The following SGCG variants were observed in gnomAD, a reference collection of about 807,000 sequenced individuals.
The protein encoded by SGCG is gamma-sarcoglycan.
In SGCG, 26 loss-of-function variants were observed where a neutral mutation model predicts 29.3. The observed-to-expected ratio is 0.89, with a 90% CI of 0.65 to 1.23. The LOEUF (loss-of-function observed/expected upper bound fraction) is 1.23, where lower values mean the gene tolerates loss of function less well. Among genes scored for constraint, SGCG ranks in the 50% most tolerant of loss-of-function variants. SGCG has a pLI of 0.00. For synonymous variants in SGCG, 145 were observed against 129.7 expected, an observed-to-expected ratio of 1.12 and a Z score of -0.80; for missense variants, 353 against 356.0, an observed-to-expected ratio of 0.99 and a Z score of 0.07.
chr13:23,174,422 G>C, the SGCG span, among the ~76,000 whole-genome samples: 2 of 152,136 alleles, frequency 1.3e-5, no homozygotes, highest in Non-Finnish European at 1.5e-5. Flanking sequence ...GTGGAGGTTA[G>C]TCACACGAGA....
At chr13:23,224,623 T>A (rs902662700) in intron 2 of SGCG, among the ~76,000 whole-genome samples, 1 of 149,344 alleles carries the variant, frequency 6.7e-6, no homozygotes, top group African/African-American at 2.5e-5. Flanking sequence ...AGAATGGAAA[T>A]CTCCCACCAA....
chr13:23,314,382 T>TTATATATATATA (rs201480793), intron 6 of SGCG, among the ~76,000 whole-genome samples: 3,742 of 78,286 alleles, frequency 0.048, 178 homozygotes, highest in Middle Eastern at 0.075. Context: ...CTGCTATAGG[T>TTATATATATATA]TATATATATA....
At chr13:23,250,554 A>G in intron 3 of SGCG, 76 bp from the exon 4 acceptor site, 1 of 773,052 alleles carries the variant, frequency 1.3e-6, no homozygotes, top group Non-Finnish European at 2.3e-6. Context: ...TAAAAATCCT[A>G]AATTTACACA....
intron 2 of SGCG, 135 bp downstream of exon 2, chr13:23,204,024 A>C: frequency 1.4e-6 from 1 of 717,534 alleles, no homozygotes. Flanking sequence ...TTTCAGGAGC[A>C]AAATATGTAT....
At chr13:23,258,179 G>A (rs934618060) in intron 4 of SGCG, among the ~76,000 whole-genome samples, 4 of 152,290 alleles carry the variant, frequency 2.6e-5, no homozygotes, top group African/African-American at 9.6e-5. Flanking sequence ...CTATCCATGA[G>A]CATGGAATGT....
chr13:23,186,072 A>G (rs1412304384), intron 1 of SGCG, among the ~76,000 whole-genome samples: 1 of 151,898 alleles, frequency 6.6e-6, no homozygotes, highest in Non-Finnish European at 1.5e-5. Flanking sequence ...GCTGATACTT[A>G]CCCATCCTTT....
At chr13:23,184,763 G>A (rs1422669798) in intron 1 of SGCG, among the ~76,000 whole-genome samples, 1 of 152,044 alleles carries the variant, frequency 6.6e-6, no homozygotes, top group Non-Finnish European at 1.5e-5. Context: ...TAACCTAGCC[G>A]GCTTCCCTCA....
At chr13:23,282,043 C>A (rs77431069) in intron 5 of SGCG, among the ~76,000 whole-genome samples, 485 of 152,328 alleles carry the variant, frequency 3.2e-3, no homozygotes, top group African/African-American at 0.011. Flanking sequence ...GCAAAATATA[C>A]CCCACCTCTA....
At chr13:23,187,062 G>C (rs1877006316) in intron 1 of SGCG, among the ~76,000 whole-genome samples, 1 of 152,182 alleles carries the variant, frequency 6.6e-6, no homozygotes. Flanking sequence ...AGCAGGGGCA[G>C]TGGCTGGATC....
chr13:23,303,219 G>T (rs747518761), intron 6 of SGCG, among the ~76,000 whole-genome samples: 33 of 152,280 alleles, frequency 2.2e-4, no homozygotes, highest in Non-Finnish European at 4.0e-4. Context: ...GAAGGAGATT[G>T]TTAAAAAGGA....
At chr13:23,248,750 T>C (rs1021400331) in intron 3 of SGCG, among the ~76,000 whole-genome samples, 1 of 150,724 alleles carries the variant, frequency 6.6e-6, no homozygotes, top group Non-Finnish European at 1.5e-5. Flanking sequence ...CCCAGCACTT[T>C]GGGAGGCCGA....
chr13:23,261,366 T>C (rs1350106412), intron 4 of SGCG, among the ~76,000 whole-genome samples: 1 of 151,956 alleles, frequency 6.6e-6, no homozygotes, highest in East Asian at 1.9e-4. Context: ...TAAAATGCAG[T>C]GGAAAGTTTT....
chr13:23,208,169 A>G (rs1349723184), intron 2 of SGCG, among the ~76,000 whole-genome samples: 1 of 152,114 alleles, frequency 6.6e-6, no homozygotes, highest in Non-Finnish European at 1.5e-5. Flanking sequence ...TATTTACCCA[A>G]ACTCAGTGTA....
upstream of SGCG, among the ~76,000 whole-genome samples, chr13:23,180,371 G>T (rs1372442385): frequency 6.6e-6 from 1 of 152,122 alleles, no homozygotes; most frequent in Non-Finnish European, 1.5e-5. Flanking sequence ...TACTAGAAAA[G>T]AACTGTCATA....
At chr13:23,298,538 A>G (rs1383113497) in intron 6 of SGCG, among the ~76,000 whole-genome samples, 1 of 152,198 alleles carries the variant, frequency 6.6e-6, no homozygotes, top group Non-Finnish European at 1.5e-5. Flanking sequence ...ATAGATTGTG[A>G]CTATAATTAA....
chr13:23,296,844 G>A (rs1263897325), intron 6 of SGCG, among the ~76,000 whole-genome samples: 1 of 151,770 alleles, frequency 6.6e-6, no homozygotes, highest in Non-Finnish European at 1.5e-5. Context: ...CTTACCACTA[G>A]GCTACTGAAT....
the SGCG span, among the ~76,000 whole-genome samples, chr13:23,161,661 G>T: frequency 6.6e-6 from 1 of 152,164 alleles, no homozygotes; most frequent in Non-Finnish European, 1.5e-5. Context: ...GTAATCTTTT[G>T]CTAACAGGTT....
chr13:23,286,974 G>T lies in SGCG; in HGVS notation c.505+7496G>T, dbSNP rs1008250916. Among the ~76,000 whole-genome samples the T allele has an allele frequency of 7.2e-5, 11 of 152,208 alleles. No individual in the cohort carries two copies. The East Asian group carries it at 2.1e-3, about 29-fold the overall frequency. On this transcript the variant is annotated intron_variant, in intron 5 of 7. Transcript: ENST00000218867. ...AGAAAGTAAAACTGTGATAAGGGGG[G>T]ACTATTGAATTATAGCTTTATCGCC...
chr13:23,300,041 C>A (rs1271235975), intron 6 of SGCG, among the ~76,000 whole-genome samples: 2 of 152,174 alleles, frequency 1.3e-5, no homozygotes, highest in African/African-American at 4.8e-5. Flanking sequence ...AATATAAAAT[C>A]TTCCCAGGGT....
Sources: allele counts gnomAD v4.1 joint callset (sites outside exome capture counted in the v4.1 genomes callset), GRCh38; gene constraint gnomAD v4.1.1; transcripts MANE v1.5; gene names NCBI Gene and HGNC (gene_info 2026-07-23, HGNC 2026-07-21).